The following SGCD variants were observed in gnomAD, a reference collection of about 807,000 sequenced individuals.
The protein encoded by SGCD is delta-sarcoglycan.
In SGCD, 18 loss-of-function variants were observed where a neutral mutation model predicts 36.6. That is an observed-to-expected ratio of 0.49 (90% confidence interval 0.34 to 0.73). The LOEUF (loss-of-function observed/expected upper bound fraction) is 0.73. Ranked by LOEUF, SGCD falls within the 30% of genes least tolerant of loss-of-function variation. SGCD has a pLI of 0.01. For missense variants in SGCD, 387 were observed against 346.7 expected (o/e 1.12, Z -0.92); for synonymous variants, 133 against 130.6 (o/e 1.02, Z -0.12).
At chr5:156,687,929 T>C (rs1319201393) in intron 7 of SGCD, among the ~76,000 whole-genome samples, 1 of 152,130 alleles carries the variant, frequency 6.6e-6, no homozygotes, top group Non-Finnish European at 1.5e-5. Context: ...ATTCAGCTAT[T>C]CTAGGAAGCA....
At chr5:156,433,893 CTTG>C (rs1302798633) in intron 3 of SGCD, among the ~76,000 whole-genome samples, 4 of 152,294 alleles carry the variant, frequency 2.6e-5, no homozygotes, top group African/African-American at 9.6e-5. Flanking sequence ...TGACCTTGAC[CTTG>C]TTGTCTCAAT....
At chr5:156,407,403 C>G (rs904190244) in intron 3 of SGCD, among the ~76,000 whole-genome samples, 11 of 152,328 alleles carry the variant, frequency 7.2e-5, no homozygotes, top group Middle Eastern at 3.4e-3. Flanking sequence ...AGCATTCTTC[C>G]TTTCCTGTTG....
At chr5:156,051,524 T>C (rs1581064321) in intron 1 of SGCD, among the ~76,000 whole-genome samples, 1 of 146,356 alleles carries the variant, frequency 6.8e-6, no homozygotes, top group South Asian at 2.1e-4. Flanking sequence ...TTATGCAAGA[T>C]AGTACAACAA....
At chr5:155,876,389 A>G (rs545757561) in intron 1 of SGCD, among the ~76,000 whole-genome samples, 1 of 152,128 alleles carries the variant, frequency 6.6e-6, no homozygotes, top group African/African-American at 2.4e-5. Flanking sequence ...CACTTTTTAA[A>G]AATAAAAAAT....
chr5:156,565,243 T>C (rs530815185), intron 4 of SGCD, among the ~76,000 whole-genome samples: 145 of 152,360 alleles, frequency 9.5e-4, no homozygotes, highest in African/African-American at 3.3e-3. Context: ...TTTTATGAAA[T>C]GTTAGTTTCC....
chr5:156,271,093 T>C (rs575406064), intron 3 of SGCD, among the ~76,000 whole-genome samples: 1 of 152,344 alleles, frequency 6.6e-6, no homozygotes, highest in African/African-American at 2.4e-5. Context: ...ACGGAGATTT[T>C]CTTGACTCTT....
intron 1 of SGCD, among the ~76,000 whole-genome samples, chr5:156,039,701 A>T (rs1759588847): frequency 6.6e-6 from 1 of 152,208 alleles, no homozygotes; most frequent in African/African-American, 2.4e-5. Flanking sequence ...TTCAGCTTTT[A>T]TACCTTGCAG....
rs1757254531 is a variant in SGCD, at chr5:156,754,169, C to G, written c.576-3412C>G. On this transcript the variant is annotated intron_variant, in intron 7 of 8. Transcript: ENST00000337851. Reference sequence around the variant, plus strand: ...GTCTACCTCTCCGGCCTGGGTCCCTCCTGCTAATCTCAGAGGCCTAGGCAG... The same window carrying G: ...GTCTACCTCTCCGGCCTGGGTCCCTGCTGCTAATCTCAGAGGCCTAGGCAG... 2.6e-5 allele frequency among the ~76,000 whole-genome samples: 4 copies of G among 152,188 alleles called. No homozygotes were observed. In the South Asian group the frequency reaches 8.3e-4, roughly 32 times the overall value.
At chr5:156,674,589 T>A (rs1389027614) in intron 7 of SGCD, among the ~76,000 whole-genome samples, 1 of 152,092 alleles carries the variant, frequency 6.6e-6, no homozygotes, top group Non-Finnish European at 1.5e-5. Context: ...AAGACTATCA[T>A]AGAGATGTGT....
In SGCD at chr5:156,338,236, A is replaced by G. The variant is rs191863102; in HGVS notation, c.4-6253A>G. Among the ~76,000 whole-genome samples, 297 of 152,338 alleles carry G rather than the reference A, an allele frequency of 1.9e-3. 2 individuals are homozygous for G. The Middle Eastern group carries it at 0.044, about 23-fold the overall frequency. Reference sequence around the variant, plus strand: ...TTTGCACAGCAAATTGGTAATGTAGATACTGTAACTATTTCCAGGGGGCAA... The same window carrying G: ...TTTGCACAGCAAATTGGTAATGTAGGTACTGTAACTATTTCCAGGGGGCAA... On this transcript the variant is annotated intron_variant, in intron 2 of 8. Transcript: ENST00000337851.
chr5:156,393,638 A>T (rs1033321764), intron 3 of SGCD: 2 of 432,288 alleles, frequency 4.6e-6, no homozygotes, highest in African/African-American at 4.0e-5. Context: ...CCATAGTGAG[A>T]GTATTTACAC....
chr5:156,392,819 G>A (rs1707615737), intron 3 of SGCD, among the ~76,000 whole-genome samples: 1 of 152,126 alleles, frequency 6.6e-6, no homozygotes, highest in Admixed American at 6.5e-5. Context: ...GGGTCATTCT[G>A]CTGGTCGGTG....
chr5:155,768,562 G>C, the SGCD span, among the ~76,000 whole-genome samples: 1 of 152,246 alleles, frequency 6.6e-6, no homozygotes, highest in Middle Eastern at 3.4e-3. Context: ...CCAGGAGTTG[G>C]TGATTGACAA....
At position 156,759,540 on chromosome 5, in the gene SGCD, G is replaced by A. The variant is rs147791150; in HGVS notation, c.*150G>A. ...TGTGTGCGTGCTTGAGTGTGTTCGCGTGTGTGGGTGGATATAAATATATAT... is the reference window on the plus strand; with the variant it reads ...TGTGTGCGTGCTTGAGTGTGTTCGCATGTGTGGGTGGATATAAATATATAT... On this transcript the variant is annotated 3_prime_UTR_variant, in exon 9 of 9. Coordinates refer to ENST00000337851, the MANE Select transcript of SGCD (RefSeq NM_000337.6). 2.8e-5 allele frequency: 10 copies of A among 355,536 alleles called. No individual in the cohort carries two copies. Among genetic ancestry groups the A allele is most frequent in the Admixed American group, 4.5e-5 (1 of 22,206 alleles). The allele number at this position is 355,536 out of a possible 1,614,324, so 22.0% of individuals were successfully genotyped here.
intron 3 of SGCD, among the ~76,000 whole-genome samples, chr5:156,418,273 G>A (rs566453607): frequency 2.0e-5 from 3 of 152,298 alleles, no homozygotes; most frequent in South Asian, 4.1e-4. Flanking sequence ...CTTGATGTGA[G>A]TTAGGATATA....
chr5:156,195,366 A>G (rs780746134), intron 3 of SGCD, among the ~76,000 whole-genome samples: 1 of 152,174 alleles, frequency 6.6e-6, no homozygotes, highest in Non-Finnish European at 1.5e-5. Context: ...AGAAATTTTT[A>G]TTCTAAAAAT....
chr5:156,158,020 T>A (rs1053382841), intron 3 of SGCD, among the ~76,000 whole-genome samples: 3 of 151,446 alleles, frequency 2.0e-5, no homozygotes, highest in Admixed American at 2.0e-4. Flanking sequence ...TCAAAGTTGG[T>A]GATTCAAATG....
At chr5:156,701,113 ACT>A (rs1324409151) in intron 7 of SGCD, among the ~76,000 whole-genome samples, 3 of 152,064 alleles carry the variant, frequency 2.0e-5, no homozygotes, top group Non-Finnish European at 4.4e-5. Context: ...GTAGCCCAGG[ACT>A]TCTCCTGTGG....
intron 4 of SGCD, among the ~76,000 whole-genome samples, chr5:156,584,454 G>T (rs1285077739): frequency 1.3e-5 from 2 of 152,186 alleles, no homozygotes; most frequent in African/African-American, 4.8e-5. Context: ...TTAGAACAGT[G>T]CTTTATGCTT....
Sources: allele counts gnomAD v4.1 joint callset (sites outside exome capture counted in the v4.1 genomes callset), GRCh38; gene constraint gnomAD v4.1.1; transcripts MANE v1.5; gene names NCBI Gene and HGNC (gene_info 2026-07-23, HGNC 2026-07-21).